The following RGL1 variants were observed in gnomAD, a reference collection of about 807,000 sequenced individuals.
The protein encoded by RGL1 is ral guanine nucleotide dissociation stimulator-like 1.
In RGL1, 24 loss-of-function variants were observed where a neutral mutation model predicts 95.2. The observed-to-expected ratio is 0.25, with a 90% CI of 0.18 to 0.35. The LOEUF (loss-of-function observed/expected upper bound fraction) is 0.35. RGL1 is among the 10% of genes least tolerant of loss of function. RGL1 has a pLI of 1.00. For synonymous variants in RGL1, 329 were observed against 344.9 expected, an observed-to-expected ratio of 0.95 and a Z score of 0.51; for missense variants, 715 against 936.3, an observed-to-expected ratio of 0.76 and a Z score of 3.08.
chr1:183,730,856 A>G (rs1010567354), intron 1 of RGL1, among the ~76,000 whole-genome samples: 5 of 152,108 alleles, frequency 3.3e-5, no homozygotes, highest in Admixed American at 3.3e-4. Context: ...ATTTCACTAT[A>G]CTTCATCCTG....
intron 1 of RGL1, among the ~76,000 whole-genome samples, chr1:183,645,853 T>TA (rs1336789881): frequency 3.9e-5 from 6 of 152,256 alleles, no homozygotes; most frequent in Non-Finnish European, 5.9e-5. Flanking sequence ...GGCCTGGACT[T>TA]ACGACCTGTG....
intron 2 of RGL1, among the ~76,000 whole-genome samples, chr1:183,821,593 TA>T (rs1172661420): frequency 6.6e-6 from 1 of 152,254 alleles, no homozygotes; most frequent in South Asian, 2.1e-4. Context: ...GTCTGGTTGG[TA>T]AAAGCTATTC....
At chr1:183,659,942 A>G (rs1651484646) in intron 1 of RGL1, among the ~76,000 whole-genome samples, 1 of 150,398 alleles carries the variant, frequency 6.6e-6, no homozygotes, top group South Asian at 2.1e-4. Flanking sequence ...CCAGAACTTC[A>G]TATCCAGCCA....
chr1:183,915,594 G>GCAAGT lies in RGL1; in HGVS notation c.1750-850_1750-846dup, dbSNP rs1471187005. Among the ~76,000 whole-genome samples the GCAAGT allele has an allele frequency of 2.0e-5, 3 of 152,230 alleles. No individual in the cohort carries two copies. The East Asian group carries it at 5.8e-4, about 29-fold the overall frequency. The stretch of plus-strand genomic sequence containing the variant: ...TGCTTAAAGGCTGTATTTCCCTTGA[G>GCAAGT]CAAGTCACTTTTATATTCTGAATCT... On this transcript the variant is annotated intron_variant, in intron 15 of 17. Transcript: ENST00000360851.
At chr1:183,924,167 CATAT>C (rs1163502410) in intron 17 of RGL1, among the ~76,000 whole-genome samples, 1 of 151,972 alleles carries the variant, frequency 6.6e-6, no homozygotes, top group African/African-American at 2.4e-5. Context: ...CACATGCACA[CATAT>C]GTTTATTGCA....
intron 2 of RGL1, among the ~76,000 whole-genome samples, chr1:183,813,143 T>G (rs1661836703): frequency 6.6e-6 from 1 of 152,148 alleles, no homozygotes; most frequent in African/African-American, 2.4e-5. Flanking sequence ...GATGAGGACC[T>G]GACTGAAGCT....
chr1:183,682,855 T>A (rs1653314491), intron 1 of RGL1, among the ~76,000 whole-genome samples: 1 of 152,234 alleles, frequency 6.6e-6, no homozygotes, highest in African/African-American at 2.4e-5. Flanking sequence ...GGTGCTCTTG[T>A]ATTGGGTGCG....
chr1:183,916,136 C>T (rs12562685), intron 15 of RGL1, among the ~76,000 whole-genome samples: 45,916 of 152,046 alleles, frequency 0.3, 7,162 homozygotes, highest in East Asian at 0.48. Context: ...CCCATATTGC[C>T]TCCAGTTTCT....
intron 4 of RGL1, among the ~76,000 whole-genome samples, chr1:183,867,380 A>T (rs1367283913): frequency 6.6e-6 from 1 of 152,120 alleles, no homozygotes; most frequent in Non-Finnish European, 1.5e-5. Flanking sequence ...CCAGAAGACA[A>T]GCAAAGAAAG....
rs1661195719 is a variant in RGL1, at chr1:183,805,131, C to A, written c.-167C>A. 4.7e-6 allele frequency: 4 copies of A among 852,090 alleles called. No individual in the cohort carries two copies. Among genetic ancestry groups the A allele is most frequent in the East Asian group, 3.7e-5 (1 of 27,382 alleles). The allele number at this position is 852,090 out of a possible 1,614,324, so 52.8% of individuals were successfully genotyped here. ...GCCGCGCTCCCTTTGTGGCCCGAGT[C>A]GCGCGCACCGGCGGCGGCGGGGGCA... On this transcript the variant is annotated 5_prime_UTR_variant, in exon 1 of 18. Coordinates refer to ENST00000360851, the MANE Select transcript of RGL1 (RefSeq NM_001297671.3).
At chr1:183,700,110 C>T (rs536965095) in intron 1 of RGL1, among the ~76,000 whole-genome samples, 23 of 152,288 alleles carry the variant, frequency 1.5e-4, no homozygotes, top group African/African-American at 5.5e-4. Flanking sequence ...TCCCTCTTCC[C>T]ACTCCTACCC....
At chr1:183,876,358 A>G (rs1219273029) in intron 4 of RGL1, among the ~76,000 whole-genome samples, 1 of 152,230 alleles carries the variant, frequency 6.6e-6, no homozygotes, top group Non-Finnish European at 1.5e-5. Flanking sequence ...AGAATCACAC[A>G]CTACAAAGTT....
chr1:183,715,911 G>A (rs1399198485), intron 1 of RGL1, among the ~76,000 whole-genome samples: 1 of 152,116 alleles, frequency 6.6e-6, no homozygotes, highest in South Asian at 2.1e-4. Flanking sequence ...CAACTCTGAA[G>A]GTCTGAGAAC....
chr1:183,900,207 C>G lies in RGL1; in HGVS notation c.1288C>G (p.Leu430Val), dbSNP rs1386423017. 1 of 1,613,922 alleles carries G rather than the reference C, an allele frequency of 6.2e-7. No homozygotes were observed. The highest frequency in any genetic ancestry group is 8.5e-7 in the Non-Finnish European group (1 of 1,179,814). Residue 430 changes from leucine (L) to valine (V), a missense_variant, in exon 11 of 18, where the codon CTT becomes GTT. This residue lies in a region of RGL1 where 330 missense variants were observed against 429.6 expected (regional missense o/e 0.77). Coordinates refer to ENST00000360851, the MANE Select transcript of RGL1 (RefSeq NM_001297671.3). ...CACCTTCCTGACTGACCTGACCATG[C>G]TTGACACTGCCCTTCAGGACTACAT... The part of the protein sequence containing the change: ...LGTFLTDLTM[L>V]DTALQDYIEG...
At chr1:183,783,195 A>G (rs1659990753) in intron 2 of RGL1, among the ~76,000 whole-genome samples, 1 of 146,162 alleles carries the variant, frequency 6.8e-6, no homozygotes, top group Admixed American at 6.8e-5. Context: ...GGAACTCTCA[A>G]ACCTTGGGGT....
chr1:183,844,660 C>G (rs1281540495), intron 2 of RGL1, among the ~76,000 whole-genome samples: 1 of 152,116 alleles, frequency 6.6e-6, no homozygotes, highest in African/African-American at 2.4e-5. Context: ...AACCATATAT[C>G]TTTTTCACTT....
Position 183,884,116 on chromosome 1 carries a change from G to A in RGL1, c.735+206G>A, listed in dbSNP as rs139171269. On this transcript the variant is annotated intron_variant, in intron 6 of 17. Coordinates refer to ENST00000360851, the MANE Select transcript of RGL1 (RefSeq NM_001297671.3). ...GGCCTGAGCTCTTCTTGCAACTCTA[G>A]GAGAAGGTGCTTTTGGAGCTCAAGA... Among the ~76,000 whole-genome samples, 4 of 152,370 alleles carry A rather than the reference G, an allele frequency of 2.6e-5. No individual in the cohort carries two copies. In the East Asian group the frequency reaches 7.7e-4, roughly 29 times the overall value.
chr1:183,877,036 G>GTGT (rs1177604742), intron 4 of RGL1, among the ~76,000 whole-genome samples: 2 of 152,176 alleles, frequency 1.3e-5, no homozygotes, highest in African/African-American at 4.8e-5. Flanking sequence ...GATGAAGAAG[G>GTGT]TGTTATTATA....
At chr1:183,752,243 T>C (rs1170778701) in intron 2 of RGL1, among the ~76,000 whole-genome samples, 1 of 152,108 alleles carries the variant, frequency 6.6e-6, no homozygotes, top group East Asian at 1.9e-4. Context: ...ATTTTTTTTT[T>C]TTGAGATGGA....
Sources: gnomAD v4.1 joint callset for allele counts (sites outside exome capture counted in the v4.1 genomes callset) on GRCh38, gnomAD v4.1.1 for gene constraint, gnomAD v4.1.1 regional missense constraint, MANE v1.5 for transcripts, NCBI Gene and HGNC (gene_info 2026-07-23, HGNC 2026-07-21) for gene names.